ADARB2: variants seen among roughly 807,000 people sequenced by gnomAD.
ADARB2 encodes adenosine deaminase RNA specific B2 (inactive), also known as inactive double-stranded RNA-specific editase B2.
In ADARB2, 25 loss-of-function variants were observed where a neutral mutation model predicts 62.2. The ratio of observed to expected loss-of-function variants is 0.40; its 90% CI spans 0.29 to 0.56. The LOEUF (loss-of-function observed/expected upper bound fraction) is 0.56. ADARB2 is among the 20% of genes least tolerant of loss of function. ADARB2 has a pLI of 0.43. For synonymous variants in ADARB2, 572 were observed against 500.8 expected (o/e 1.14, Z -1.90); for missense variants, 1,071 against 1,077.4 (o/e 0.99, Z 0.08).
intron 1 of ADARB2, among the ~76,000 whole-genome samples, chr10:1,525,487 G>A (rs569796496): frequency 2.0e-5 from 3 of 151,508 alleles, no homozygotes; most frequent in African/African-American, 4.8e-5. Flanking sequence ...GTCTCTCTTC[G>A]CCTCAGCCGT....
At chr10:1,381,111 A>T (rs1472078304) in intron 1 of ADARB2, among the ~76,000 whole-genome samples, 12 of 152,142 alleles carry the variant, frequency 7.9e-5, no homozygotes, top group Admixed American at 7.9e-4. Context: ...ACAATAGACA[A>T]TTTTTTCATA....
chr10:1,731,623 A>C (rs1455515417), intron 1 of ADARB2, among the ~76,000 whole-genome samples: 7 of 152,242 alleles, frequency 4.6e-5, no homozygotes, highest in Non-Finnish European at 1.5e-5. Flanking sequence ...ATCAAGTATT[A>C]AGCAGCCTCT....
intron 3 of ADARB2, among the ~76,000 whole-genome samples, chr10:1,329,409 G>A (rs1309753680): frequency 1.3e-5 from 2 of 152,210 alleles, no homozygotes; most frequent in Non-Finnish European, 2.9e-5. Context: ...CCAGAAGCAG[G>A]ATGCCCTGAC....
intron 1 of ADARB2, among the ~76,000 whole-genome samples, chr10:1,392,764 G>A (rs1353442814): frequency 6.6e-6 from 1 of 152,186 alleles, no homozygotes; most frequent in African/African-American, 2.4e-5. Context: ...GGCAATTTCA[G>A]AGATGGATTC....
chr10:1,657,155 G>A (rs1467917569), intron 1 of ADARB2, among the ~76,000 whole-genome samples: 1 of 152,094 alleles, frequency 6.6e-6, no homozygotes, highest in Non-Finnish European at 1.5e-5. Context: ...TCGAAAAGAG[G>A]TCTTCAGATT....
chr10:1,204,903 G>T (rs778538177), intron 7 of ADARB2, among the ~76,000 whole-genome samples: 22 of 152,226 alleles, frequency 1.4e-4, no homozygotes, highest in Non-Finnish European at 2.9e-4. Context: ...AAACAAACCA[G>T]CTAGGCTCTC....
At chr10:1,552,031 C>T (rs1487545024) in intron 1 of ADARB2, among the ~76,000 whole-genome samples, 3 of 151,754 alleles carry the variant, frequency 2.0e-5, no homozygotes, top group Non-Finnish European at 2.9e-5. Context: ...GAGGCCAAGC[C>T]CTCCTCCCGC....
intron 1 of ADARB2, among the ~76,000 whole-genome samples, chr10:1,563,181 G>A (rs1415828416): frequency 6.6e-6 from 1 of 152,076 alleles, no homozygotes; most frequent in Non-Finnish European, 1.5e-5. Flanking sequence ...GCTGTCCAGG[G>A]TGAGAACGTG....
chr10:1,558,821 C>A (rs1341161539), intron 1 of ADARB2, among the ~76,000 whole-genome samples: 5 of 152,178 alleles, frequency 3.3e-5, no homozygotes, highest in Non-Finnish European at 5.9e-5. Flanking sequence ...CCTCTGCGCC[C>A]CTCCATGGGT....
chr10:1,679,397 A>G (rs1040371701), intron 1 of ADARB2, among the ~76,000 whole-genome samples: 6 of 152,168 alleles, frequency 3.9e-5, no homozygotes, highest in Non-Finnish European at 7.3e-5. Context: ...CTCATCAGAC[A>G]CATATCTTTC....
chr10:1,190,433 C>T (rs1450183922), intron 8 of ADARB2, among the ~76,000 whole-genome samples: 1 of 152,262 alleles, frequency 6.6e-6, no homozygotes, highest in East Asian at 1.9e-4. Context: ...AATGTGGTTT[C>T]CACATGCACA....
intron 4 of ADARB2, among the ~76,000 whole-genome samples, chr10:1,258,550 A>C: frequency 6.6e-6 from 1 of 152,356 alleles, no homozygotes; most frequent in Non-Finnish European, 1.5e-5. Context: ...AAAGAGACAA[A>C]GAAGGCCATT....
intron 3 of ADARB2, among the ~76,000 whole-genome samples, chr10:1,333,222 C>T (rs1487287709): frequency 6.6e-6 from 1 of 152,188 alleles, no homozygotes; most frequent in African/African-American, 2.4e-5. Context: ...GCCATAATTG[C>T]TTAGTTTGGA....
At chr10:1,604,350 G>A (rs989279594) in intron 1 of ADARB2, among the ~76,000 whole-genome samples, 26 of 152,122 alleles carry the variant, frequency 1.7e-4, no homozygotes, top group Non-Finnish European at 2.1e-4. Flanking sequence ...TCGACCCGAC[G>A]TTGACTGTTT....
chr10:1,561,040 G>T (rs1363861329), intron 1 of ADARB2, among the ~76,000 whole-genome samples: 1 of 152,120 alleles, frequency 6.6e-6, no homozygotes. Context: ...AGCCACAGGG[G>T]TACCACTAAA....
intron 4 of ADARB2, among the ~76,000 whole-genome samples, chr10:1,267,896 A>G (rs916309171): frequency 1.3e-5 from 2 of 152,182 alleles, no homozygotes; most frequent in South Asian, 2.1e-4. Context: ...ACAATCACTC[A>G]AAAGACAAAG....
intron 1 of ADARB2, among the ~76,000 whole-genome samples, chr10:1,515,129 TC>T (rs1831992785): frequency 1.3e-5 from 2 of 152,092 alleles, no homozygotes; most frequent in Admixed American, 1.3e-4. Context: ...TAGTGCAACA[TC>T]ATTAACAAAA....
intron 3 of ADARB2, among the ~76,000 whole-genome samples, chr10:1,354,540 G>A (rs1285693196): frequency 6.6e-6 from 1 of 152,198 alleles, no homozygotes; most frequent in Non-Finnish European, 1.5e-5. Flanking sequence ...CACAAAGCCT[G>A]TTTGGTGTCC....
At chr10:1,188,329 T>G (rs770206317) in intron 8 of ADARB2, 4 of 152,236 alleles carry the variant, frequency 2.6e-5, no homozygotes, top group Non-Finnish European at 4.4e-5. Context: ...TCAAAAATGT[T>G]TCTAGTTAGA....
Sources: gnomAD v4.1 joint callset for allele counts (sites outside exome capture counted in the v4.1 genomes callset) on GRCh38, gnomAD v4.1.1 for gene constraint, MANE v1.5 for transcripts, NCBI Gene and HGNC (gene_info 2026-07-23, HGNC 2026-07-21) for gene names.